The following MMD variants were observed in gnomAD, a reference collection of about 807,000 sequenced individuals.
MMD encodes monocyte to macrophage differentiation factor.
Under a neutral mutation model 33.6 loss-of-function variants are expected in MMD, and 22 were observed. That is an observed-to-expected ratio of 0.66 (90% CI 0.47 to 0.94). The LOEUF (loss-of-function observed/expected upper bound fraction) is 0.94, where lower values mean the gene tolerates loss of function less well. MMD is among the 40% of genes least tolerant of loss of function. The pLI is 0.00. For synonymous variants in MMD, 97 were observed against 103.2 expected (o/e 0.94, Z 0.36); for missense variants, 242 against 309.8 (o/e 0.78, Z 1.64).
intron 6 of MMD, among the ~76,000 whole-genome samples, chr17:55,400,531 G>C (rs555005966): frequency 6.9e-6 from 1 of 145,792 alleles, no homozygotes; most frequent in South Asian, 2.2e-4. Flanking sequence ...CTGGGCAACA[G>C]AGCAAGACTT....
chr17:55,407,662 G>A, intron 4 of MMD, 84 bp downstream of exon 4: 1 of 1,260,482 alleles, frequency 7.9e-7, no homozygotes. Flanking sequence ...CTGAGGGTGG[G>A]GACAAGAGGG....
intron 4 of MMD, 144 bp downstream of exon 4, chr17:55,407,602 T>A (rs1907605607): frequency 6.1e-6 from 4 of 650,762 alleles, no homozygotes; most frequent in Non-Finnish European, 1.0e-5. Flanking sequence ...GGGAAAAAAA[T>A]GCATGCATGT....
chr17:55,412,759 T>G (rs1036441599), intron 2 of MMD, among the ~76,000 whole-genome samples: 3 of 152,208 alleles, frequency 2.0e-5, no homozygotes, highest in Non-Finnish European at 4.4e-5. Context: ...CAATGGCCAC[T>G]GTAGGGGTGA....
intron 1 of MMD, among the ~76,000 whole-genome samples, chr17:55,416,717 G>A (rs575240982): frequency 1.1e-4 from 17 of 152,076 alleles, no homozygotes; most frequent in South Asian, 2.1e-4. Context: ...TCTCTTCCCC[G>A]AAAAAAGAAT....
At chr17:55,421,555 G>T in intron 1 of MMD, 115 bp downstream of exon 1, 1 of 1,422,152 alleles carries the variant, frequency 7.0e-7, no homozygotes, top group Non-Finnish European at 9.6e-7. Flanking sequence ...TGGCCAAGGT[G>T]CGGGATCCAC....
chr17:55,410,589 G>C (rs989578652), intron 3 of MMD, among the ~76,000 whole-genome samples: 5 of 152,166 alleles, frequency 3.3e-5, no homozygotes, highest in Admixed American at 6.5e-5. Context: ...GAAAGTGCTT[G>C]ACTATTAATA....
intron 3 of MMD, among the ~76,000 whole-genome samples, chr17:55,410,762 A>G (rs527978135): frequency 9.9e-5 from 15 of 152,218 alleles, no homozygotes; most frequent in South Asian, 4.1e-4. Context: ...TATCTCATTC[A>G]CCTATCACAC....
chr17:55,398,448 C>T (rs557478518), intron 6 of MMD, among the ~76,000 whole-genome samples: 32 of 151,904 alleles, frequency 2.1e-4, no homozygotes, highest in African/African-American at 7.0e-4. Flanking sequence ...GTATCTCTCC[C>T]GTCTTTTGAT....
chr17:55,408,966 A>C (rs1364282926), intron 3 of MMD, among the ~76,000 whole-genome samples: 4 of 152,242 alleles, frequency 2.6e-5, no homozygotes, highest in Non-Finnish European at 4.4e-5. Context: ...GCACCACTGC[A>C]CTACAGTCTG....
chr17:55,396,067 G>A (rs1907090146), intron 6 of MMD, among the ~76,000 whole-genome samples: 1 of 152,120 alleles, frequency 6.6e-6, no homozygotes, highest in South Asian at 2.1e-4. Context: ...GCCAAAACAA[G>A]CAAGACACCA....
At chr17:55,420,819 TCA>T (rs1245259936) in intron 1 of MMD, among the ~76,000 whole-genome samples, 1 of 152,130 alleles carries the variant, frequency 6.6e-6, no homozygotes, top group Non-Finnish European at 1.5e-5. Flanking sequence ...GGAGTTCCTC[TCA>T]GAGTCATGGG....
At chr17:55,397,267 T>G (rs1481913735) in intron 6 of MMD, among the ~76,000 whole-genome samples, 1 of 151,494 alleles carries the variant, frequency 6.6e-6, no homozygotes, top group Non-Finnish European at 1.5e-5. Flanking sequence ...GTTCCAGTGA[T>G]TCTCCTGCCT....
Position 55,407,990 on chromosome 17 carries a change from G to A in MMD, c.270-170C>T, listed in dbSNP as rs79971165. Among the ~76,000 whole-genome samples the A allele has an allele frequency of 4.4e-3, 663 of 152,272 alleles. 1 individual carries two copies. The highest frequency in any genetic ancestry group is 4.8e-3 in the Non-Finnish European group (324 of 68,024). On this transcript the variant is annotated intron_variant, in intron 3 of 6. Coordinates refer to ENST00000262065, the MANE Select transcript of MMD (RefSeq NM_012329.3). ...GTTGCTGTTAATGTTATGAAGTCAC[G>A]AGTAAAAGCTTTCTGTTATTTTTTA...
Position 55,393,576 on chromosome 17 carries a change from C to T in MMD, c.*758G>A, listed in dbSNP as rs1051206983. 5.2e-5 allele frequency: 8 copies of T among 152,618 alleles called. No individual in the cohort carries two copies. Among genetic ancestry groups the T allele is most frequent in the Admixed American group, 5.2e-4 (8 of 15,294 alleles). The allele number at this position is 152,618 out of a possible 1,614,324, so 9.5% of individuals were successfully genotyped here. A position where few individuals can be genotyped will look rare whatever the true frequency, so the allele number is the denominator to read the frequency against. ...GATCTTTTGAAAAAGTTAATGATAT[C>T]AAAATACTTTTCCATCACTGGTAAA... On this transcript the variant is annotated 3_prime_UTR_variant, in exon 7 of 7. Transcript: ENST00000262065.
rs1369392406 is a variant in MMD at position 55,393,644 on chromosome 17, A to G, written c.*690T>C. ...TATGTCCCAAAGCAGCACTGAATTC[A>G]GAGTAAGAGGTTGGCAGAAAAGTTT... On this transcript the variant is annotated 3_prime_UTR_variant, in exon 7 of 7. Transcript: ENST00000262065. 6.5e-6 allele frequency: 1 copy of G among 152,684 alleles called. No individual in the cohort carries two copies. Among genetic ancestry groups the G allele is most frequent in the East Asian group, 1.9e-4 (1 of 5,206 alleles). 9.5% of individuals were successfully genotyped at this position (152,684 alleles called of 1,614,324 possible).
At chr17:55,398,125 A>AAAG (rs1555615085) in intron 6 of MMD, among the ~76,000 whole-genome samples, 5 of 139,526 alleles carry the variant, frequency 3.6e-5, no homozygotes, top group African/African-American at 1.3e-4. Flanking sequence ...AAAAAAAAAA[A>AAAG]AAAAGAAAAG....
intron 4 of MMD, among the ~76,000 whole-genome samples, chr17:55,405,330 A>G (rs1023839507): frequency 2.0e-5 from 3 of 151,228 alleles, no homozygotes; most frequent in African/African-American, 7.3e-5. Flanking sequence ...AGATCGCGCC[A>G]TTGCAGTCCA....
chr17:55,411,887 G>C (rs1907779296), intron 2 of MMD, among the ~76,000 whole-genome samples: 1 of 152,004 alleles, frequency 6.6e-6, no homozygotes, highest in African/African-American at 2.4e-5. Flanking sequence ...GACCAGCCTG[G>C]GCAACACAGC....
chr17:55,400,503 C>T (rs980332156), intron 6 of MMD, among the ~76,000 whole-genome samples: 3 of 150,966 alleles, frequency 2.0e-5, no homozygotes, highest in Non-Finnish European at 4.4e-5. Flanking sequence ...GAGCCAAGAT[C>T]GCTCTACTGC....
Sources: allele counts gnomAD v4.1 joint callset (sites outside exome capture counted in the v4.1 genomes callset), GRCh38; gene constraint gnomAD v4.1.1; transcripts MANE v1.5; gene names NCBI Gene and HGNC (gene_info 2026-07-23, HGNC 2026-07-21).